DICER1: variants seen among roughly 807,000 people sequenced by gnomAD.
DICER1 encodes the protein endoribonuclease Dicer.
Under a neutral mutation model 194.1 loss-of-function variants are expected in DICER1, and 43 were observed. The observed-to-expected ratio is 0.22, with a 90% CI of 0.17 to 0.29. The LOEUF (loss-of-function observed/expected upper bound fraction) is 0.29, where lower values mean the gene tolerates loss of function less well. Among genes scored for constraint, DICER1 ranks in the 10% least tolerant of loss-of-function variants. The pLI, the probability that DICER1 is intolerant of heterozygous loss-of-function variation, is 1.00. For synonymous variants in DICER1, 832 were observed against 820.5 expected (o/e 1.01, Z -0.24); for missense variants, 1,608 against 2,317.0 (o/e 0.69, Z 6.28).
chr14:95,096,278 A>C lies in DICER1; in HGVS notation c.4642T>G (p.Leu1548Val). Reference sequence around the variant, plus strand: ...TCAGCAATACACTGCTCAGTGTGCAAGTCGTAAGAAATGGACTGCTTTCCC... The same window carrying C: ...TCAGCAATACACTGCTCAGTGTGCACGTCGTAAGAAATGGACTGCTTTCCC... ...DTGKQSISYD[L>V]HTEQCIADKS... The change falls in exon 23 of 27, where the codon TTG (leucine) becomes GTG (valine). Residue 1548 changes from leucine to valine, a missense_variant. By Grantham distance (32) the Leu-to-Val change is conservative (BLOSUM62 1). Coordinates refer to ENST00000343455, the MANE Select transcript of DICER1 (RefSeq NM_177438.3). 1 of 1,614,250 alleles carries C rather than the reference A, an allele frequency of 6.2e-7. No individual in the cohort carries two copies. Among genetic ancestry groups the C allele is most frequent in the Non-Finnish European group, 8.5e-7 (1 of 1,180,046 alleles).
chr14:95,105,727 C>T lies in DICER1; in HGVS notation c.3044G>A (p.Ser1015Asn). 1 of 1,614,158 alleles carries T rather than the reference C, an allele frequency of 6.2e-7. No individual in the cohort carries two copies. The highest frequency in any genetic ancestry group is 8.5e-7 in the Non-Finnish European group (1 of 1,179,986). ...TTTGGCTTTCCTCTTCTCAGCACTG[C>T]TTAAAGGAAGCGCTTTCCCCTTCTG... ...LNQKGKALPL[S>N]SAEKRKAKWE... Residue 1015 changes from serine (S) to asparagine (N), a missense_variant, in exon 19 of 27, where the codon AGC (serine) becomes AAC (asparagine). Ser to Asn is a conservative substitution (Grantham distance 46). Around this residue, in one of 10 missense-constraint regions of DICER1, gnomAD observed 79 missense variants for 176.1 expected, o/e 0.45. Coordinates refer to ENST00000343455, the MANE Select transcript of DICER1 (RefSeq NM_177438.3). The surrounding 1 kb of genome is among the most constrained non-coding windows in gnomAD (Gnocchi z 4.9).
chr14:95,090,345 A>T lies in DICER1; in HGVS notation c.*153T>A. On this transcript the variant is annotated 3_prime_UTR_variant, in exon 27 of 27. Transcript: ENST00000343455. Reference sequence around the variant, plus strand: ...ATTTTATACATATGTTAAATGTTTTATTCTGTTATCTATCCTGTTATCAAC... The same window carrying T: ...ATTTTATACATATGTTAAATGTTTTTTTCTGTTATCTATCCTGTTATCAAC... 1 of 821,226 alleles carries T rather than the reference A, an allele frequency of 1.2e-6. No homozygotes were observed. 50.9% of individuals were successfully genotyped at this position (821,226 alleles called of 1,614,324 possible). A position where few individuals can be genotyped will look rare whatever the true frequency, so the allele number is the denominator to read the frequency against.
chr14:95,105,987 G>A lies in DICER1; in HGVS notation c.2987+54C>T. 1 of 1,578,076 alleles carries A rather than the reference G, an allele frequency of 6.3e-7. No homozygotes were observed. The highest frequency in any genetic ancestry group is 8.7e-7 in the Non-Finnish European group (1 of 1,147,392). Reference sequence around the variant, plus strand: ...AGTGAACCTCTGCATGTCTAGTGATGTCTGGTAAGAATCCCTCAAGTGCAA... The same window carrying A: ...AGTGAACCTCTGCATGTCTAGTGATATCTGGTAAGAATCCCTCAAGTGCAA... On this transcript the variant is annotated intron_variant, in intron 18 of 26. Transcript: ENST00000343455. This position sits in a 1 kb window ranked among gnomAD's most constrained non-coding sequence, Gnocchi z 4.9.
Position 95,124,107 on chromosome 14 carries a change from G to T in DICER1, c.1376+89C>A. On this transcript the variant is annotated intron_variant, in intron 8 of 26. Transcript: ENST00000343455. This position sits in a 1 kb window ranked among gnomAD's most constrained non-coding sequence, Gnocchi z 4.5. ...TCAAGGACACTTACATAACCCTCAT[G>T]CTAGCTCTTACAGCTGCTGCAGCGC... 1.1e-6 allele frequency: 1 copy of T among 942,724 alleles called. No homozygotes were observed. The highest frequency in any genetic ancestry group is 1.7e-6 in the Non-Finnish European group (1 of 592,762). The allele number at this position is 942,724 out of a possible 1,614,324, so 58.4% of individuals were successfully genotyped here.
intron 1 of DICER1, among the ~76,000 whole-genome samples, chr14:95,144,477 TCTTAAA>T (rs1011989214): frequency 6.6e-6 from 1 of 152,088 alleles, no homozygotes; most frequent in African/African-American, 2.4e-5. Flanking sequence ...TTACACAAGA[TCTTAAA>T]CTTAGTAGAG....
chr14:95,123,908 T>G (rs1476784250), intron 8 of DICER1, among the ~76,000 whole-genome samples: 1 of 152,232 alleles, frequency 6.6e-6, no homozygotes, highest in Non-Finnish European at 1.5e-5. Flanking sequence ...AATGCTTTAC[T>G]TAAATGTATA....
At chr14:95,118,127 A>C (rs1892646705) in intron 8 of DICER1, among the ~76,000 whole-genome samples, 1 of 152,172 alleles carries the variant, frequency 6.6e-6, no homozygotes, top group Non-Finnish European at 1.5e-5. Context: ...CGTCCAATGA[A>C]AAAAGCTCGA....
intron 1 of DICER1, among the ~76,000 whole-genome samples, chr14:95,154,340 T>C (rs1895703906): frequency 1.3e-5 from 2 of 152,204 alleles, no homozygotes; most frequent in Non-Finnish European, 1.5e-5. Flanking sequence ...AGAAACAATG[T>C]GACCACTTTG....
rs1290706510 is a variant in DICER1 at position 95,124,681 on chromosome 14, G to A, written c.904-13C>T. The A allele has an allele frequency of 6.3e-7, 1 of 1,596,310 alleles. No homozygotes were observed. Among genetic ancestry groups the A allele is most frequent in the Non-Finnish European group, 8.6e-7 (1 of 1,165,286 alleles). On this transcript the variant is annotated splice_polypyrimidine_tract_variant and intron_variant, in intron 7 of 26. Transcript: ENST00000343455. The surrounding 1 kb of genome is among the most constrained non-coding windows in gnomAD (Gnocchi z 4.5). ...AGTCTGATAGTATCTACAAAAAAAA[G>A]AAAAGAAAAAACCTAATGCCAAATA...
In DICER1 at chr14:95,090,414, C is replaced by CT; in HGVS notation, c.*83dup. On this transcript the variant is annotated 3_prime_UTR_variant, in exon 27 of 27. Coordinates refer to ENST00000343455, the MANE Select transcript of DICER1 (RefSeq NM_177438.3). ...TTCAATTCATTCCACTCACTAACAA[C>CT]TTTAAGTCTTCCTTTCCGATTTAAA... 6.6e-7 allele frequency: 1 copy of CT among 1,508,632 alleles called. No homozygotes were observed. The highest frequency in any genetic ancestry group is 9.2e-7 in the Non-Finnish European group (1 of 1,087,992). 93.5% of individuals were successfully genotyped at this position (1,508,632 alleles called of 1,614,324 possible).
intron 1 of DICER1, among the ~76,000 whole-genome samples, chr14:95,153,021 C>T (rs559636747): frequency 2.4e-4 from 37 of 152,104 alleles, no homozygotes; most frequent in African/African-American, 6.5e-4. Flanking sequence ...TCAAGACCAT[C>T]CTGGCTAAAC....
In DICER1 at chr14:95,091,186, A is replaced by C. The variant is rs752826365; in HGVS notation, c.5527+17T>G. ...AATTTTGTGGGTTTTTTTCTTTCTA[A>C]AGGGAGCCAACAATACCTATTAGTG... is the stretch of plus-strand genomic sequence containing the variant. On this transcript the variant is annotated intron_variant, in intron 25 of 26. Coordinates refer to ENST00000343455, the MANE Select transcript of DICER1 (RefSeq NM_177438.3). 6.2e-6 allele frequency: 10 copies of C among 1,614,042 alleles called. No individual in the cohort carries two copies. Among genetic ancestry groups the C allele is most frequent in the African/African-American group, 1.3e-5 (1 of 74,916 alleles).
intron 6 of DICER1, among the ~76,000 whole-genome samples, chr14:95,128,317 C>A (rs114760358): frequency 6.6e-6 from 1 of 152,298 alleles, no homozygotes; most frequent in Non-Finnish European, 1.5e-5. Flanking sequence ...TTTACTTAAA[C>A]GCTCTACTAC....
chr14:95,098,352 T>C (rs544883691), intron 22 of DICER1, among the ~76,000 whole-genome samples: 38 of 152,208 alleles, frequency 2.5e-4, no homozygotes, highest in African/African-American at 7.2e-4. Context: ...GCCCATTTGC[T>C]GAAGGGCCAG....
At chr14:95,138,766 A>C (rs1894607408) in intron 1 of DICER1, among the ~76,000 whole-genome samples, 1 of 137,380 alleles carries the variant, frequency 7.3e-6, no homozygotes. Flanking sequence ...GAATTGAACA[A>C]TGAGATCACA....
intron 1 of DICER1, among the ~76,000 whole-genome samples, chr14:95,147,290 AC>A (rs1895200321): frequency 6.6e-6 from 1 of 152,042 alleles, no homozygotes. Context: ...ACATGGCAAA[AC>A]CCCATCTCTA....
In DICER1 at chr14:95,149,228, T is replaced by C. The variant is rs558490592; in HGVS notation, c.-46+8002A>G. 2.0e-4 allele frequency among the ~76,000 whole-genome samples: 31 copies of C among 152,308 alleles called. No individual in the cohort carries two copies. The South Asian group carries it at 2.1e-3, about 10-fold the overall frequency. ...AAGATATATAACATGAATACTTAAA[T>C]ACTAAAGGGAGGTCAATCCAGAGAC... On this transcript the variant is annotated intron_variant, in intron 1 of 26. Coordinates refer to ENST00000343455, the MANE Select transcript of DICER1 (RefSeq NM_177438.3).
At position 95,115,727 on chromosome 14, in the gene DICER1, A is replaced by C. The variant is rs771634025; in HGVS notation, c.1847T>G (p.Leu616Trp). 3 of 1,614,186 alleles carry C rather than the reference A, an allele frequency of 1.9e-6. No homozygotes were observed. The highest frequency in any genetic ancestry group is 1.7e-6 in the Non-Finnish European group (2 of 1,180,016). ...TCGTGGACCACCATCGTCAGGCCTCAACACATATGGTGGGAAAACGTCATC... is the reference window on the plus strand; with the variant it reads ...TCGTGGACCACCATCGTCAGGCCTCCACACATATGGTGGGAAAACGTCATC... ...DDDDVFPPYV[L>W]RPDDGGPRVT... The change falls in exon 11 of 27, where the codon TTG becomes TGG. Residue 616 changes from leucine to tryptophan, a missense_variant. Around this residue, in one of 10 missense-constraint regions of DICER1, gnomAD observed 657 missense variants for 910.1 expected, o/e 0.72. Coordinates refer to ENST00000343455, the MANE Select transcript of DICER1 (RefSeq NM_177438.3).
chr14:95,112,613 A>G (rs1412435252), intron 12 of DICER1, among the ~76,000 whole-genome samples: 3 of 152,246 alleles, frequency 2.0e-5, no homozygotes, highest in African/African-American at 7.2e-5. Context: ...TTTATGTGCA[A>G]TAGAAATTAG....
Sources: gnomAD v4.1 joint callset for allele counts (sites outside exome capture counted in the v4.1 genomes callset) on GRCh38, gnomAD v4.1.1 for gene constraint, gnomAD v4.1.1 regional missense constraint, Gnocchi (gnomAD v3.1) non-coding constraint, MANE v1.5 for transcripts, NCBI Gene and HGNC (gene_info 2026-07-23, HGNC 2026-07-21) for gene names.